ARHGAP15: variants seen among roughly 807,000 people sequenced by gnomAD.
ARHGAP15 encodes rho GTPase-activating protein 15.
ARHGAP15 carries 51 observed loss-of-function variants against 63.7 expected under a neutral mutation model. That is an observed-to-expected ratio of 0.80 (90% confidence interval 0.64 to 1.01). The LOEUF is 1.01. Ranked by LOEUF, ARHGAP15 falls within the 50% of genes least tolerant of loss-of-function variation. ARHGAP15 has a pLI of 0.00. For synonymous variants in ARHGAP15, 191 were observed against 193.8 expected (o/e 0.99, Z 0.12); for missense variants, 560 against 564.6 (o/e 0.99, Z 0.08).
intron 6 of ARHGAP15, among the ~76,000 whole-genome samples, chr2:143,428,326 G>T (rs548353258): frequency 1.3e-5 from 2 of 151,934 alleles, no homozygotes; most frequent in Non-Finnish European, 2.9e-5. Context: ...AGCAGCGGAA[G>T]TGCAGAGTGG....
At position 143,129,430 on chromosome 2, in the gene ARHGAP15, G is replaced by A. The variant is rs1280844264; in HGVS notation, c.-51G>A. The A allele has an allele frequency of 1.3e-5, 2 of 151,810 alleles. No individual in the cohort carries two copies. Among genetic ancestry groups the A allele is most frequent in the Non-Finnish European group, 2.9e-5 (2 of 68,024 alleles). The allele number at this position is 151,810 out of a possible 1,614,324, so 9.4% of individuals were successfully genotyped here. On this transcript the variant is annotated 5_prime_UTR_variant, in exon 1 of 14. Transcript: ENST00000295095. ...AAAGAGTCATTAACAGTTAGGAGTT[G>A]ATGGCAGTTTCAATAACAGGTCATT...
intron 8 of ARHGAP15, chr2:143,472,062 A>T (rs1358262872): frequency 6.6e-6 from 1 of 152,158 alleles, no homozygotes; most frequent in African/African-American, 2.4e-5. Context: ...TTTAATATGT[A>T]AAAGATGTTT....
At chr2:143,678,400 A>G (rs1278304302) in intron 12 of ARHGAP15, among the ~76,000 whole-genome samples, 1 of 152,236 alleles carries the variant, frequency 6.6e-6, no homozygotes, top group African/African-American at 2.4e-5. Context: ...AAAGTCAAGA[A>G]AAAACAAACA....
At chr2:143,553,142 C>A (rs1308947746) in intron 10 of ARHGAP15, among the ~76,000 whole-genome samples, 1 of 152,072 alleles carries the variant, frequency 6.6e-6, no homozygotes, top group Non-Finnish European at 1.5e-5. Flanking sequence ...GTTCTGTGAG[C>A]CATTCAGGGG....
At chr2:143,716,216 T>C (rs937601604) in intron 13 of ARHGAP15, among the ~76,000 whole-genome samples, 5 of 152,098 alleles carry the variant, frequency 3.3e-5, no homozygotes, top group Non-Finnish European at 5.9e-5. Flanking sequence ...AGACTGCATG[T>C]TAAAAGGGTG....
chr2:143,626,142 CTA>C (rs1327805468), intron 12 of ARHGAP15, among the ~76,000 whole-genome samples: 19 of 152,186 alleles, frequency 1.2e-4, no homozygotes, highest in African/African-American at 4.6e-4. Context: ...AGGCAGCAGA[CTA>C]TTGGGATTGA....
chr2:143,309,370 G>C (rs966148527), intron 6 of ARHGAP15, among the ~76,000 whole-genome samples: 12 of 151,472 alleles, frequency 7.9e-5, no homozygotes, highest in African/African-American at 2.7e-4. Flanking sequence ...AAATCTCAGA[G>C]TCAAGAAAAT....
chr2:143,474,579 T>A (rs1249503134), intron 8 of ARHGAP15, among the ~76,000 whole-genome samples: 1 of 152,200 alleles, frequency 6.6e-6, no homozygotes, highest in Non-Finnish European at 1.5e-5. Flanking sequence ...AAATTAAATG[T>A]GAGATTAGAG....
At chr2:143,427,629 A>G (rs2381457) in intron 6 of ARHGAP15, among the ~76,000 whole-genome samples, 135,112 of 151,898 alleles carry the variant, frequency 0.89, 60,459 homozygotes, top group Middle Eastern at 0.97. Flanking sequence ...TCTATTTTAG[A>G]GATATGCATT....
intron 6 of ARHGAP15, among the ~76,000 whole-genome samples, chr2:143,408,006 T>C (rs1688279702): frequency 1.3e-5 from 1 of 75,642 alleles, no homozygotes; most frequent in Non-Finnish European, 2.5e-5. Flanking sequence ...TATATATATA[T>C]ATATATATAT....
At chr2:143,471,003 T>C (rs1363833313) in intron 8 of ARHGAP15, among the ~76,000 whole-genome samples, 1 of 97,922 alleles carries the variant, frequency 1.0e-5, no homozygotes, top group Non-Finnish European at 2.6e-5. Context: ...CATGTGTGTA[T>C]AGATAAAGAA....
intron 11 of ARHGAP15, among the ~76,000 whole-genome samples, chr2:143,597,783 G>A (rs1468626262): frequency 6.6e-6 from 1 of 152,054 alleles, no homozygotes; most frequent in Non-Finnish European, 1.5e-5. Context: ...AGATTCTTTT[G>A]AAAAGGAATT....
intron 12 of ARHGAP15, among the ~76,000 whole-genome samples, chr2:143,700,728 A>T (rs1211772460): frequency 2.0e-5 from 3 of 152,154 alleles, no homozygotes; most frequent in Admixed American, 6.5e-5. Flanking sequence ...ATACACACAC[A>T]ATTATGGTTG....
intron 2 of ARHGAP15, among the ~76,000 whole-genome samples, chr2:143,171,631 T>C: frequency 6.6e-6 from 1 of 152,094 alleles, no homozygotes; most frequent in East Asian, 1.9e-4. Context: ...ACTATGCTAG[T>C]AGTCTTGTTG....
At chr2:143,666,368 G>A (rs1244870336) in intron 12 of ARHGAP15, among the ~76,000 whole-genome samples, 1 of 152,130 alleles carries the variant, frequency 6.6e-6, no homozygotes, top group Non-Finnish European at 1.5e-5. Flanking sequence ...CTAGCCATAT[G>A]TACAAAGCTG....
intron 13 of ARHGAP15, among the ~76,000 whole-genome samples, chr2:143,736,394 CAAAA>C (rs112035181): frequency 8.7e-6 from 1 of 114,870 alleles, no homozygotes. Context: ...GAAACTCTGT[CAAAA>C]AAAAAAAAAA....
chr2:143,370,502 A>T (rs1686502425), intron 6 of ARHGAP15, among the ~76,000 whole-genome samples: 1 of 126,286 alleles, frequency 7.9e-6, no homozygotes, highest in Non-Finnish European at 1.6e-5. Context: ...GTATAATAAT[A>T]AAAAAGTAGT....
intron 11 of ARHGAP15, among the ~76,000 whole-genome samples, chr2:143,567,323 A>C (rs1696269787): frequency 6.6e-6 from 1 of 152,220 alleles, no homozygotes; most frequent in Non-Finnish European, 1.5e-5. Flanking sequence ...CTAACAAACA[A>C]GTGCATTAAT....
At chr2:143,161,804 T>C (rs1204636663) in intron 2 of ARHGAP15, among the ~76,000 whole-genome samples, 1 of 151,706 alleles carries the variant, frequency 6.6e-6, no homozygotes, top group Non-Finnish European at 1.5e-5. Context: ...TGTTACCGAG[T>C]AGGAGAGAAG....
Sources: gnomAD v4.1 joint callset for allele counts (sites outside exome capture counted in the v4.1 genomes callset) on GRCh38, gnomAD v4.1.1 for gene constraint, MANE v1.5 for transcripts, NCBI Gene and HGNC (gene_info 2026-07-23, HGNC 2026-07-21) for gene names.